Variants in RASSF3 observed in about 807,000 individuals in gnomAD.
RASSF3 encodes the protein ras association domain-containing protein 3.
RASSF3 carries 19 observed loss-of-function variants against 19.9 expected under a neutral mutation model. The observed-to-expected ratio is 0.96, with a 90% CI of 0.67 to 1.40. RASSF3 has a LOEUF of 1.40. Ranked by LOEUF, RASSF3 falls within the 40% of genes most tolerant of loss-of-function variation. The pLI is 0.00. For synonymous variants in RASSF3, 110 were observed against 104.2 expected (o/e 1.06, Z -0.34); for missense variants, 306 against 289.8 (o/e 1.06, Z -0.41).
At chr12:64,581,113 A>G (rs962989007) in intron 2 of RASSF3, among the ~76,000 whole-genome samples, 6 of 151,458 alleles carry the variant, frequency 4.0e-5, no homozygotes, top group Admixed American at 4.0e-4. Context: ...ACTGTGGTAA[A>G]AAAAAAAAAG....
intron 1 of RASSF3, among the ~76,000 whole-genome samples, chr12:64,650,545 A>G (rs1871912643): frequency 6.7e-6 from 1 of 148,216 alleles, no homozygotes; most frequent in Admixed American, 6.9e-5. Context: ...CCTTCTAAGT[A>G]GCTGGGATTA....
chr12:64,625,335 A>G (rs964786646), intron 1 of RASSF3, among the ~76,000 whole-genome samples: 3 of 152,066 alleles, frequency 2.0e-5, no homozygotes, highest in African/African-American at 7.2e-5. Context: ...GTCTTTCCCA[A>G]CTTCTTTTTC....
chr12:64,651,541 G>T (rs954342092), intron 1 of RASSF3, among the ~76,000 whole-genome samples: 3 of 151,976 alleles, frequency 2.0e-5, no homozygotes, highest in Non-Finnish European at 4.4e-5. Context: ...TGAATTTTTA[G>T]TAGAGGCAGT....
downstream of RASSF3, among the ~76,000 whole-genome samples, chr12:64,545,039 T>A (rs1328528804): frequency 6.6e-6 from 1 of 152,206 alleles, no homozygotes; most frequent in Non-Finnish European, 1.5e-5. Context: ...TCTGGCAGAT[T>A]GATGGCTTCG....
intron 2 of RASSF3, among the ~76,000 whole-genome samples, chr12:64,600,033 C>CAAAAAAAAAAAAAAAA (rs34515445): frequency 1.6e-5 from 1 of 63,986 alleles, no homozygotes; most frequent in Non-Finnish European, 2.9e-5. Flanking sequence ...GACTCCATCT[C>CAAAAAAAAAAAAAAAA]AAAAAAAAAA....
At chr12:64,635,030 GT>G (rs1302102755) in intron 1 of RASSF3, among the ~76,000 whole-genome samples, 2 of 147,772 alleles carry the variant, frequency 1.4e-5, no homozygotes, top group African/African-American at 5.0e-5. Context: ...CAGTGGTGCA[GT>G]CTTGGCTCAC....
upstream of RASSF3, among the ~76,000 whole-genome samples, chr12:64,528,325 A>G (rs556226073): frequency 8.5e-5 from 13 of 152,326 alleles, no homozygotes; most frequent in South Asian, 2.5e-3. Context: ...AAATTTCAAA[A>G]TGTTGATTTT....
chr12:64,574,139 C>T (rs945361599), intron 2 of RASSF3, among the ~76,000 whole-genome samples: 1 of 149,482 alleles, frequency 6.7e-6, no homozygotes, highest in Admixed American at 6.7e-5. Flanking sequence ...CCTGCCTCTA[C>T]TAAAAAAAAA....
chr12:64,539,604 C>T (rs925326020), intron 1 of RASSF3, among the ~76,000 whole-genome samples: 27 of 151,944 alleles, frequency 1.8e-4, no homozygotes, highest in Non-Finnish European at 3.4e-4. Context: ...GGTGAAACCC[C>T]ATCTCTACAA....
intron 1 of RASSF3, among the ~76,000 whole-genome samples, chr12:64,641,000 A>G (rs183047808): frequency 5.3e-4 from 80 of 152,204 alleles, no homozygotes; most frequent in African/African-American, 1.9e-3. Context: ...TCTAATGTAT[A>G]TATACATTGC....
At chr12:64,679,280 C>T (rs541863621) in intron 1 of RASSF3, among the ~76,000 whole-genome samples, 4 of 152,282 alleles carry the variant, frequency 2.6e-5, no homozygotes, top group African/African-American at 4.8e-5. Flanking sequence ...AGGTTGGTCT[C>T]GAACTCCTGA....
At chr12:64,653,022 C>T (rs1872018468) in intron 1 of RASSF3, among the ~76,000 whole-genome samples, 1 of 152,170 alleles carries the variant, frequency 6.6e-6, no homozygotes, top group Non-Finnish European at 1.5e-5. Context: ...TGATTGTCTT[C>T]ACCCAGTATC....
intron 1 of RASSF3, among the ~76,000 whole-genome samples, chr12:64,657,999 C>T (rs1323537713): frequency 2.0e-5 from 3 of 152,072 alleles, no homozygotes; most frequent in East Asian, 1.9e-4. Flanking sequence ...CTGCAGTGAG[C>T]GTTGATTGTG....
intron 1 of RASSF3, among the ~76,000 whole-genome samples, chr12:64,640,888 C>T (rs888360463): frequency 1.3e-5 from 2 of 151,980 alleles, no homozygotes; most frequent in Admixed American, 1.3e-4. Flanking sequence ...GCAGTCCTCC[C>T]TCCTCGACCT....
chr12:64,546,121 GAA>G (rs1343516519), downstream of RASSF3, among the ~76,000 whole-genome samples: 2 of 105,032 alleles, frequency 1.9e-5, no homozygotes, highest in African/African-American at 7.4e-5. Flanking sequence ...AAAAAAAAAA[GAA>G]TGCCAAAAAT....
chr12:64,690,455 G>T (rs1445447404), intron 3 of RASSF3, among the ~76,000 whole-genome samples: 1 of 152,034 alleles, frequency 6.6e-6, no homozygotes, highest in East Asian at 1.9e-4. Flanking sequence ...AAAGTGCTGG[G>T]ATTACAGGTA....
intron 1 of RASSF3, among the ~76,000 whole-genome samples, chr12:64,679,530 T>C (rs1270430): frequency 0.75 from 113,674 of 152,042 alleles, 42,910 homozygotes; most frequent in South Asian, 0.84. Flanking sequence ...GTCTGAGTTG[T>C]GAGCCTGTGG....
At chr12:64,509,004 A>ATTCT (rs10674580) in intron 1 of RASSF3, among the ~76,000 whole-genome samples, 6,708 of 151,928 alleles carry the variant, frequency 0.044, 466 homozygotes, top group African/African-American at 0.15. Context: ...ATTTTTTTTC[A>ATTCT]TTCTCACTGT....
chr12:64,648,352 T>C (rs1871813020), intron 1 of RASSF3, among the ~76,000 whole-genome samples: 1 of 152,078 alleles, frequency 6.6e-6, no homozygotes, highest in Non-Finnish European at 1.5e-5. Flanking sequence ...ATGTCCATCA[T>C]GTGGGACTGA....
Sources: allele counts gnomAD v4.1 joint callset (sites outside exome capture counted in the v4.1 genomes callset), GRCh38; gene constraint gnomAD v4.1.1; transcripts MANE v1.5; gene names NCBI Gene and HGNC (gene_info 2026-07-23, HGNC 2026-07-21).